Variants in ACBD6 observed in about 807,000 individuals in gnomAD.
The protein encoded by ACBD6 is acyl-CoA binding domain containing 6.
In ACBD6, 28 loss-of-function variants were observed where a neutral mutation model predicts 37.2. The ratio of observed to expected loss-of-function variants is 0.75; its 90% CI spans 0.56 to 1.03. The LOEUF (loss-of-function observed/expected upper bound fraction) is 1.03. ACBD6 is among the 50% of genes least tolerant of loss of function. The pLI is 0.00. For synonymous variants in ACBD6, 113 were observed against 126.8 expected (o/e 0.89, Z 0.73); for missense variants, 340 against 337.4 (o/e 1.01, Z -0.06).
chr1:180,303,787 G>A (rs982708330), intron 7 of ACBD6, among the ~76,000 whole-genome samples: 2 of 150,582 alleles, frequency 1.3e-5, no homozygotes, highest in African/African-American at 4.8e-5. Flanking sequence ...ACCAAAGCCT[G>A]GCAGAGACAC....
chr1:180,288,290 GTAT>G lies in ACBD6; in HGVS notation c.*70_*72del. 6.3e-7 allele frequency: 1 copy of G among 1,596,030 alleles called. No individual in the cohort carries two copies. The highest frequency in any genetic ancestry group is 8.6e-7 in the Non-Finnish European group (1 of 1,166,902). Reference sequence around the variant, plus strand: ...CATACCAAAGACGGGTGGAAAAGAAGTATTATTTTTGTAGTTTTCTTTCATAAT... The same window carrying G: ...CATACCAAAGACGGGTGGAAAAGAAGTATTTTTGTAGTTTTCTTTCATAAT... On this transcript the variant is annotated 3_prime_UTR_variant, in exon 8 of 8. Coordinates refer to ENST00000367595, the MANE Select transcript of ACBD6 (RefSeq NM_032360.4).
At chr1:180,348,110 A>G (rs1158773438) in intron 6 of ACBD6, among the ~76,000 whole-genome samples, 1 of 152,216 alleles carries the variant, frequency 6.6e-6, no homozygotes, top group Non-Finnish European at 1.5e-5. Flanking sequence ...TAGGCAGCCA[A>G]TAAGTATTTG....
chr1:180,366,162 C>G (rs1380107067), intron 6 of ACBD6, among the ~76,000 whole-genome samples: 1 of 152,148 alleles, frequency 6.6e-6, no homozygotes, highest in East Asian at 1.9e-4. Flanking sequence ...GCCACCAGTT[C>G]AACATTCAAA....
chr1:180,366,102 A>G (rs574611370), intron 6 of ACBD6, among the ~76,000 whole-genome samples: 1 of 152,368 alleles, frequency 6.6e-6, no homozygotes, highest in South Asian at 2.1e-4. Flanking sequence ...AATATATTTT[A>G]TAACATGCAC....
At chr1:180,363,674 G>T (rs1321988811) in intron 6 of ACBD6, among the ~76,000 whole-genome samples, 4 of 151,060 alleles carry the variant, frequency 2.6e-5, no homozygotes, top group African/African-American at 7.3e-5. Flanking sequence ...AGTTAACCTT[G>T]CCAATCAGAG....
chr1:180,301,739 G>A (rs977329694), intron 7 of ACBD6, among the ~76,000 whole-genome samples: 5 of 152,056 alleles, frequency 3.3e-5, no homozygotes, highest in Non-Finnish European at 5.9e-5. Context: ...CAAGAACTGC[G>A]AGATCACTTT....
chr1:180,330,867 G>A (rs769955153), intron 6 of ACBD6, among the ~76,000 whole-genome samples: 3 of 152,168 alleles, frequency 2.0e-5, no homozygotes, highest in Admixed American at 6.5e-5. Flanking sequence ...CTATCCACAC[G>A]GTGGTCTTCT....
At chr1:180,343,995 G>C (rs974350337) in intron 6 of ACBD6, among the ~76,000 whole-genome samples, 3 of 152,066 alleles carry the variant, frequency 2.0e-5, no homozygotes, top group African/African-American at 7.2e-5. Flanking sequence ...CCCAGAGTAG[G>C]GAAAAAGTGC....
At position 180,389,846 on chromosome 1, in the gene ACBD6, G is replaced by T. The variant is rs1654000679; in HGVS notation, c.663+7670C>A. On this transcript the variant is annotated intron_variant, in intron 6 of 7. Transcript: ENST00000367595. Reference sequence around the variant, plus strand: ...TGTCCTTTGCCCACTTTTTGATGGGGTTGTTTGTTTTTTTCTTGTAAATTG... The same window carrying T: ...TGTCCTTTGCCCACTTTTTGATGGGTTTGTTTGTTTTTTTCTTGTAAATTG... Among the ~76,000 whole-genome samples the T allele has an allele frequency of 2.6e-5, 4 of 152,126 alleles. No homozygotes were observed. In the South Asian group the frequency reaches 8.3e-4, roughly 32 times the overall value.
At chr1:180,497,417 T>C (rs1385637730) in intron 1 of ACBD6, among the ~76,000 whole-genome samples, 1 of 152,236 alleles carries the variant, frequency 6.6e-6, no homozygotes. Flanking sequence ...CATGTGGTGA[T>C]GGTAAGCCAC....
chr1:180,419,830 G>A (rs751529240), intron 4 of ACBD6, among the ~76,000 whole-genome samples: 10 of 152,212 alleles, frequency 6.6e-5, no homozygotes, highest in Admixed American at 1.3e-4. Flanking sequence ...GGCTGGTCTT[G>A]CTGTCTCAGC....
chr1:180,441,473 C>T (rs1182889213), intron 3 of ACBD6, among the ~76,000 whole-genome samples: 2 of 152,200 alleles, frequency 1.3e-5, no homozygotes, highest in Admixed American at 1.3e-4. Context: ...TTGGACAGCG[C>T]TGCCATCTAA....
chr1:180,423,346 GAC>G (rs1416400234), intron 4 of ACBD6, among the ~76,000 whole-genome samples: 2 of 152,102 alleles, frequency 1.3e-5, no homozygotes, highest in African/African-American at 2.4e-5. Context: ...ACTGATTTCA[GAC>G]AGTTATAGAA....
chr1:180,280,308 G>C (rs1649269220), intron 9 of ACBD6, among the ~76,000 whole-genome samples: 1 of 152,018 alleles, frequency 6.6e-6, no homozygotes, highest in Non-Finnish European at 1.5e-5. Flanking sequence ...TGTGTGTGTG[G>C]CATTTCCCTC....
At position 180,430,216 on chromosome 1, in the gene ACBD6, G is replaced by A. The variant is rs1258549777; in HGVS notation, c.431C>T (p.Pro144Leu). 6.2e-7 allele frequency: 1 copy of A among 1,613,240 alleles called. No individual in the cohort carries two copies. The highest frequency in any genetic ancestry group is 1.7e-5 in the Admixed American group (1 of 59,986). Residue 144 changes from proline (P) to leucine (L), a missense_variant, in exon 4 of 8, where the codon CCA (proline) becomes CTA (leucine). Coordinates refer to ENST00000367595, the MANE Select transcript of ACBD6 (RefSeq NM_032360.4). ...GKEANTGFGG[P>L]VISSLYHEET... ...TTCATGATATAGAGAACTAATAACTGGCCCACCAAAACCTGTATTTGCTTC... is the reference window on the plus strand; with the variant it reads ...TTCATGATATAGAGAACTAATAACTAGCCCACCAAAACCTGTATTTGCTTC...
At chr1:180,466,059 G>C (rs572396986) in intron 3 of ACBD6, among the ~76,000 whole-genome samples, 1 of 152,232 alleles carries the variant, frequency 6.6e-6, no homozygotes, top group Admixed American at 6.5e-5. Context: ...CTTAATACCT[G>C]AGTGATGTAA....
intron 4 of ACBD6, among the ~76,000 whole-genome samples, chr1:180,417,055 AAAGT>A (rs1648126365): frequency 6.6e-6 from 1 of 152,220 alleles, no homozygotes. Context: ...AAATCCAAAG[AAAGT>A]AAGCCAATAT....
At chr1:180,353,303 C>G (rs1221257035) in intron 6 of ACBD6, among the ~76,000 whole-genome samples, 2 of 152,038 alleles carry the variant, frequency 1.3e-5, no homozygotes, top group African/African-American at 4.8e-5. Context: ...ATTCTTTAAG[C>G]TTTTCTTCAC....
intron 5 of ACBD6, among the ~76,000 whole-genome samples, chr1:180,408,347 T>G (rs1247062666): frequency 6.6e-6 from 1 of 152,172 alleles, no homozygotes; most frequent in Non-Finnish European, 1.5e-5. Context: ...CCATAAAAAA[T>G]GATGAGTTCA....
Sources: allele counts gnomAD v4.1 joint callset (sites outside exome capture counted in the v4.1 genomes callset), GRCh38; gene constraint gnomAD v4.1.1; transcripts MANE v1.5; gene names NCBI Gene and HGNC (gene_info 2026-07-23, HGNC 2026-07-21).